The following ARMC2 variants were observed in gnomAD, a reference collection of about 807,000 sequenced individuals.
The protein encoded by ARMC2 is armadillo repeat-containing protein 2.
ARMC2 carries 67 observed loss-of-function variants against 90.3 expected under a neutral mutation model. That is an observed-to-expected ratio of 0.74 (90% CI 0.61 to 0.91). The LOEUF (loss-of-function observed/expected upper bound fraction) is 0.91. Ranked by LOEUF, ARMC2 falls within the 40% of genes least tolerant of loss-of-function variation. The pLI is 0.00. For synonymous variants in ARMC2, 393 were observed against 393.0 expected, an observed-to-expected ratio of 1.00 and a Z score of 0.00; for missense variants, 920 against 1,030.9, an observed-to-expected ratio of 0.89 and a Z score of 1.47.
intron 11 of ARMC2, among the ~76,000 whole-genome samples, chr6:108,929,064 G>A (rs942925258): frequency 1.3e-5 from 2 of 151,894 alleles, no homozygotes; most frequent in African/African-American, 2.4e-5. Flanking sequence ...GGAGGCTTGG[G>A]GTCTCGACAA....
chr6:108,986,902 AC>A, the ARMC2 span: 1 of 152,380 alleles, frequency 6.6e-6, no homozygotes, highest in Admixed American at 6.5e-5. Context: ...AATATCCAGA[AC>A]CCTGAATTTA....
intron 12 of ARMC2, among the ~76,000 whole-genome samples, chr6:108,939,124 A>T (rs1392335437): frequency 1.3e-5 from 2 of 152,198 alleles, no homozygotes; most frequent in African/African-American, 2.4e-5. Flanking sequence ...CAGCCTAAAA[A>T]TCCTAAAGTT....
In ARMC2 at chr6:108,946,481, GCA is replaced by G. The variant is rs1451124634; in HGVS notation, c.1597-6549_1597-6548del. Among the ~76,000 whole-genome samples the G allele has an allele frequency of 3.9e-5, 6 of 152,164 alleles. No individual in the cohort carries two copies. In the South Asian group the frequency reaches 1.0e-3, roughly 26 times the overall value. On this transcript the variant is annotated intron_variant, in intron 12 of 17. Coordinates refer to ENST00000392644, the MANE Select transcript of ARMC2 (RefSeq NM_032131.6). ...GGTCAGTTAGCATTTTTGCAGTAGT[GCA>G]CAGTCTGTCTTCCAGTTTGCTAAAA...
At chr6:108,907,955 A>C in intron 8 of ARMC2, 1 of 1,179,908 alleles carries the variant, frequency 8.5e-7, no homozygotes, top group Non-Finnish European at 1.2e-6. Context: ...ATTATTTTAA[A>C]TACCTAATCA....
At chr6:108,942,601 T>C (rs530845685) in intron 12 of ARMC2, among the ~76,000 whole-genome samples, 1 of 152,218 alleles carries the variant, frequency 6.6e-6, no homozygotes, top group African/African-American at 2.4e-5. Flanking sequence ...TTACTTCCTA[T>C]AATTATTTTT....
intron 13 of ARMC2, among the ~76,000 whole-genome samples, chr6:108,955,029 C>T (rs1777469420): frequency 6.6e-6 from 1 of 152,102 alleles, no homozygotes; most frequent in Non-Finnish European, 1.5e-5. Context: ...ACTCTGGGGT[C>T]CCTTCTACTT....
intron 10 of ARMC2, among the ~76,000 whole-genome samples, chr6:108,925,584 C>A (rs1268975682): frequency 6.6e-6 from 1 of 152,160 alleles, no homozygotes; most frequent in Non-Finnish European, 1.5e-5. Flanking sequence ...ATCTGTTGAG[C>A]CTTGTAGACC....
chr6:108,954,490 G>A (rs1777421211), intron 13 of ARMC2, among the ~76,000 whole-genome samples: 1 of 152,142 alleles, frequency 6.6e-6, no homozygotes, highest in South Asian at 2.1e-4. Flanking sequence ...AGGCATGGTA[G>A]CATTCACCTA....
At chr6:108,889,157 TA>T (rs1346796478) in intron 5 of ARMC2, among the ~76,000 whole-genome samples, 1 of 152,152 alleles carries the variant, frequency 6.6e-6, no homozygotes, top group Non-Finnish European at 1.5e-5. Context: ...TTATTATTAT[TA>T]TTTTTTGAGG....
the ARMC2 span, chr6:108,998,990 T>C: frequency 4.2e-5 from 14 of 337,210 alleles, no homozygotes; most frequent in South Asian, 2.9e-4. Flanking sequence ...TTCTGAAATA[T>C]TGACTTAAAA....
At chr6:108,952,921 C>G in intron 12 of ARMC2, 112 bp from the exon 13 acceptor site, 1 of 1,038,924 alleles carries the variant, frequency 9.6e-7, no homozygotes, top group Non-Finnish European at 1.4e-6. Context: ...CGAAGCCAGA[C>G]GTGTTCCATT....
chr6:109,003,722 C>G, the ARMC2 span, among the ~76,000 whole-genome samples: 1 of 152,146 alleles, frequency 6.6e-6, no homozygotes, highest in Non-Finnish European at 1.5e-5. Flanking sequence ...TTTTAACATC[C>G]TGTAATGAAT....
intron 8 of ARMC2, among the ~76,000 whole-genome samples, chr6:108,908,523 G>C (rs1159718591): frequency 6.6e-6 from 1 of 152,182 alleles, no homozygotes; most frequent in East Asian, 1.9e-4. Flanking sequence ...AATGTGGGAG[G>C]CTGAGGTGGG....
the ARMC2 span, chr6:108,990,531 G>C: frequency 1.1e-6 from 1 of 907,594 alleles, no homozygotes; most frequent in Non-Finnish European, 1.7e-6. Context: ...ATAAGTTATT[G>C]GGGAGGGGAT....
In ARMC2 at chr6:108,912,331, A is replaced by G. The variant is rs1311777536; in HGVS notation, c.1127-4A>G. The G allele has an allele frequency of 6.3e-7, 1 of 1,580,370 alleles. No homozygotes were observed. Among genetic ancestry groups the G allele is most frequent in the South Asian group, 1.2e-5 (1 of 85,960 alleles). On this transcript the variant is annotated splice_region_variant and splice_polypyrimidine_tract_variant and intron_variant, in intron 9 of 17. Coordinates refer to ENST00000392644, the MANE Select transcript of ARMC2 (RefSeq NM_032131.6). ...ACATTTATAATAATTAATCTTTTTG[A>G]CAGAATCATTATTGGAGGTACTAAG...
At chr6:108,862,363 A>AAAAAAAAC (rs1562325611) in intron 3 of ARMC2, among the ~76,000 whole-genome samples, 8 of 149,228 alleles carry the variant, frequency 5.4e-5, no homozygotes, top group African/African-American at 1.8e-4. Context: ...AAAAAACAAA[A>AAAAAAAAC]AAAACAAACA....
At chr6:109,032,238 C>T in the ARMC2 span, among the ~76,000 whole-genome samples, 1 of 152,090 alleles carries the variant, frequency 6.6e-6, no homozygotes, top group Non-Finnish European at 1.5e-5. Context: ...TGCCATTGCA[C>T]TCCAGCCTGG....
chr6:108,863,912 C>T (rs541129133), intron 3 of ARMC2, among the ~76,000 whole-genome samples: 1 of 152,344 alleles, frequency 6.6e-6, no homozygotes, highest in East Asian at 1.9e-4. Context: ...TGGGCAACTA[C>T]CAGCCCCACT....
At chr6:108,875,388 G>A (rs1776834564) in intron 4 of ARMC2, among the ~76,000 whole-genome samples, 1 of 151,846 alleles carries the variant, frequency 6.6e-6, no homozygotes. Context: ...TTGCCTCCTT[G>A]CACACTGCAT....
Sources: allele counts gnomAD v4.1 joint callset (sites outside exome capture counted in the v4.1 genomes callset), GRCh38; gene constraint gnomAD v4.1.1; transcripts MANE v1.5; gene names NCBI Gene and HGNC (gene_info 2026-07-23, HGNC 2026-07-21).